SETX: variants seen among roughly 807,000 people sequenced by gnomAD.
The protein encoded by SETX is helicase senataxin.
SETX carries 90 observed loss-of-function variants against 227.2 expected under a neutral mutation model. The observed-to-expected ratio is 0.40, with a 90% confidence interval of 0.33 to 0.47. The LOEUF (loss-of-function observed/expected upper bound fraction) is 0.47. Ranked by LOEUF, SETX falls within the 20% of genes least tolerant of loss-of-function variation. The pLI is 0.91. For missense variants in SETX, 3,052 were observed against 3,181.5 expected, an observed-to-expected ratio of 0.96 and a Z score of 0.98; for synonymous variants, 1,210 against 1,113.2, an observed-to-expected ratio of 1.09 and a Z score of -1.73.
In SETX at chr9:132,330,075, G is replaced by A. The variant is rs1243467786; in HGVS notation, c.1523C>T (p.Ser508Phe). ...TGCTGTTCCTTTGGAGCAATTTCCA[G>A]ATGATTTCTCAGAACTCCGTGTAAA... ...TAFTRSSEKS[S>F]GNCSKGTAMI... Residue 508 changes from serine (S) to phenylalanine (F), a missense_variant, in exon 10 of 26, where the codon TCT (serine) becomes TTT (phenylalanine). Transcript: ENST00000224140. 2 of 1,614,244 alleles carry A rather than the reference G, an allele frequency of 1.2e-6. No individual in the cohort carries two copies. Among genetic ancestry groups the A allele is most frequent in the South Asian group, 2.2e-5 (2 of 91,090 alleles).
chr9:132,348,491 A>G (rs1191051541), intron 3 of SETX, among the ~76,000 whole-genome samples: 2 of 152,048 alleles, frequency 1.3e-5, no homozygotes, highest in Non-Finnish European at 2.9e-5. Context: ...CAATGACTTT[A>G]TTTCATTAAA....
rs1251177761 is a variant in SETX, at chr9:132,288,661, A to G, written c.6107-10T>C. 2 of 1,573,670 alleles carry G rather than the reference A, an allele frequency of 1.3e-6. No individual in the cohort carries two copies. Among genetic ancestry groups the G allele is most frequent in the African/African-American group, 1.3e-5 (1 of 74,120 alleles). ...ATATCTCCACAGTTTCCTGTTGATA[A>G]GAATCACAGTTAAGGACTAATAAGG... On this transcript the variant is annotated splice_polypyrimidine_tract_variant and intron_variant, in intron 15 of 25. Coordinates refer to ENST00000224140, the MANE Select transcript of SETX (RefSeq NM_015046.7).
Position 132,280,727 on chromosome 9 carries a change from AG to A in SETX, c.6654+739del, listed in dbSNP as rs1363858002. Among the ~76,000 whole-genome samples the A allele has an allele frequency of 3.3e-5, 5 of 152,370 alleles. No individual in the cohort carries two copies. The South Asian group carries it at 1.0e-3, about 32-fold the overall frequency. ...ATCTGTATAAATAATCTATGTTATT[AG>A]TAAAAAATACACATTTCATTAAATT... On this transcript the variant is annotated intron_variant, in intron 20 of 25. Transcript: ENST00000224140.
intron 2 of SETX, among the ~76,000 whole-genome samples, chr9:132,350,919 AT>A (rs1206647200): frequency 6.6e-6 from 1 of 152,242 alleles, no homozygotes; most frequent in African/African-American, 2.4e-5. Context: ...GAAAAAGAGT[AT>A]GCAGTGATAG....
intron 12 of SETX, among the ~76,000 whole-genome samples, chr9:132,299,398 A>T (rs1306153695): frequency 6.6e-6 from 1 of 152,162 alleles, no homozygotes; most frequent in Non-Finnish European, 1.5e-5. Context: ...AATTTGGCAA[A>T]GGTAATCATT....
Position 132,264,743 on chromosome 9 carries a change from G to A in SETX, c.7530C>T (p.His2510=), listed in dbSNP as rs1303389955. The change falls in exon 26 of 26, where the codon CAC becomes CAT. Residue 2510 remains histidine (H), a synonymous_variant. Coordinates refer to ENST00000224140, the MANE Select transcript of SETX (RefSeq NM_015046.7). ...TAATTTCCTTGGAGTCAGAGGGTGT[G>A]TGGTATAGAGAAGCAGCAACAGATG... ...AKTSVAASLY[H]TPSDSKEITL... is the part of the protein sequence containing the mutation. The A allele has an allele frequency of 1.2e-6, 2 of 1,614,120 alleles. No homozygotes were observed. The highest frequency in any genetic ancestry group is 2.7e-5 in the African/African-American group (2 of 74,942).
chr9:132,261,569 G>A lies in SETX; in HGVS notation c.*2670C>T, dbSNP rs749964080. 6.6e-6 allele frequency: 1 copy of A among 152,658 alleles called. No individual in the cohort carries two copies. The highest frequency in any genetic ancestry group is 1.9e-4 in the East Asian group (1 of 5,202). The allele number at this position is 152,658 out of a possible 1,614,324, so 9.5% of individuals were successfully genotyped here. The stretch of plus-strand genomic sequence containing the variant: ...TTTAACAAAGACAACAGGGCTGTTT[G>A]CCAAATCGCAGCTATTAATTCACAG... On this transcript the variant is annotated 3_prime_UTR_variant, in exon 26 of 26. Transcript: ENST00000224140.
rs1846972454 is a variant in SETX, at chr9:132,328,247, A to G, written c.3351T>C (p.Thr1117=). The G allele has an allele frequency of 1.2e-6, 2 of 1,614,086 alleles. No homozygotes were observed. Among genetic ancestry groups the G allele is most frequent in the Non-Finnish European group, 1.7e-6 (2 of 1,180,044 alleles). ...EKKCLAPIAN[T]TNGQGCTDYV... ...AATCTGTACAACCCTGACCATTTGT[A>G]GTATTGGCTATAGGAGCCAAACATT... is the stretch of plus-strand genomic sequence containing the variant. The change falls in exon 10 of 26, where the codon ACT becomes ACC. Residue 1117 remains threonine, a synonymous_variant. Transcript: ENST00000224140.
At chr9:132,351,312 C>T (rs1394128696) in intron 2 of SETX, among the ~76,000 whole-genome samples, 1 of 152,196 alleles carries the variant, frequency 6.6e-6, no homozygotes, top group African/African-American at 2.4e-5. Flanking sequence ...AGTGAGACTA[C>T]CATGCAAATA....
intron 10 of SETX, among the ~76,000 whole-genome samples, chr9:132,315,619 A>G (rs1845920511): frequency 6.6e-6 from 1 of 152,156 alleles, no homozygotes; most frequent in Middle Eastern, 3.4e-3. Flanking sequence ...CTCCCAATCA[A>G]TATGTATGTT....
intron 10 of SETX, among the ~76,000 whole-genome samples, chr9:132,314,905 T>C (rs1268391808): frequency 2.2e-5 from 3 of 136,196 alleles, no homozygotes; most frequent in African/African-American, 8.6e-5. Context: ...TATTTTATTG[T>C]GTTTTTTTTT....
chr9:132,292,451 G>A (rs11794799), intron 15 of SETX, among the ~76,000 whole-genome samples: 5 of 142,484 alleles, frequency 3.5e-5, no homozygotes, highest in Non-Finnish European at 7.6e-5. Flanking sequence ...AACATGATTA[G>A]ACTTATAATC....
intron 5 of SETX, among the ~76,000 whole-genome samples, chr9:132,337,436 T>A (rs56097325): frequency 0.74 from 110,108 of 149,028 alleles, 41,968 homozygotes; most frequent in Non-Finnish European, 0.83. Context: ...CAACCAACCT[T>A]AAAAAAAAAA....
intron 25 of SETX, among the ~76,000 whole-genome samples, chr9:132,266,703 C>T (rs1842669572): frequency 6.6e-6 from 1 of 152,044 alleles, no homozygotes; most frequent in South Asian, 2.1e-4. Flanking sequence ...ACCCAGGAGG[C>T]GGACGTTGCA....
Position 132,275,363 on chromosome 9 carries a change from T to C in SETX, c.6993A>G (p.Lys2331=). 1 of 1,609,314 alleles carries C rather than the reference T, an allele frequency of 6.2e-7. No homozygotes were observed. The highest frequency in any genetic ancestry group is 8.5e-7 in the Non-Finnish European group (1 of 1,175,768). The change falls in exon 23 of 26, where the codon AAA becomes AAG. Residue 2331 remains lysine (K), a synonymous_variant. Coordinates refer to ENST00000224140, the MANE Select transcript of SETX (RefSeq NM_015046.7). ...GAAAACTAACATCCTTTCTTTTGTC[T>C]TTAATAAGCTTAATTATTTCCATCA... ...KLVMEIIKLI[K]DKRKDVSFRN... is the part of the protein sequence containing the mutation.
chr9:132,282,167 C>T (rs1292915571), intron 19 of SETX, among the ~76,000 whole-genome samples: 1 of 149,554 alleles, frequency 6.7e-6, no homozygotes, highest in Admixed American at 6.6e-5. Flanking sequence ...TGGGAACCAG[C>T]CGTAAGTTCA....
intron 11 of SETX, among the ~76,000 whole-genome samples, chr9:132,310,486 A>T (rs1449666149): frequency 6.6e-6 from 1 of 152,238 alleles, no homozygotes; most frequent in Non-Finnish European, 1.5e-5. Context: ...TGTGCAGAAA[A>T]GAGTTAACAT....
chr9:132,278,292 A>G, intron 20 of SETX, 35 bp from the exon 21 acceptor site: 1 of 1,602,348 alleles, frequency 6.2e-7, no homozygotes, highest in Non-Finnish European at 8.6e-7. Context: ...AGTTTCCAAG[A>G]ATTCATTTAT....
intron 10 of SETX, among the ~76,000 whole-genome samples, chr9:132,318,903 CTACT>C (rs1295265304): frequency 3.3e-5 from 5 of 152,286 alleles, no homozygotes; most frequent in Non-Finnish European, 5.9e-5. Flanking sequence ...CTAGTCTGCT[CTACT>C]TACTATTTCC....
Sources: gnomAD v4.1 joint callset for allele counts (sites outside exome capture counted in the v4.1 genomes callset) on GRCh38, gnomAD v4.1.1 for gene constraint, MANE v1.5 for transcripts, NCBI Gene and HGNC (gene_info 2026-07-23, HGNC 2026-07-21) for gene names.